GARS1: variants seen among roughly 807,000 people sequenced by gnomAD.
GARS1 encodes the protein glycyl-tRNA synthetase 1.
Under a neutral mutation model 86.4 loss-of-function variants are expected in GARS1, and 46 were observed. The observed-to-expected ratio is 0.53, with a 90% CI of 0.42 to 0.68. The LOEUF (loss-of-function observed/expected upper bound fraction) is 0.68, where lower values mean the gene tolerates loss of function less well. Among genes scored for constraint, GARS1 ranks in the 30% least tolerant of loss-of-function variants. GARS1 has a pLI of 0.00. For missense variants in GARS1, 797 were observed against 915.6 expected (o/e 0.87, Z 1.67); for synonymous variants, 342 against 329.8 (o/e 1.04, Z -0.40).
At chr7:30,626,991 A>G in intron 13 of GARS1, 1 of 435,740 alleles carries the variant, frequency 2.3e-6, no homozygotes. Context: ...AAAAAAAAAA[A>G]AAAAAGTAAT....
chr7:30,624,628 C>A (rs996965505), intron 12 of GARS1, among the ~76,000 whole-genome samples: 5 of 150,774 alleles, frequency 3.3e-5, no homozygotes, highest in African/African-American at 9.8e-5. Context: ...AAAACACACA[C>A]AAAAAAGGGG....
chr7:30,627,794 AC>A, intron 13 of GARS1, among the ~76,000 whole-genome samples: 1 of 152,374 alleles, frequency 6.6e-6, no homozygotes, highest in Non-Finnish European at 1.5e-5. Flanking sequence ...TTAAACAAAT[AC>A]AAACCATGTA....
intron 1 of GARS1, among the ~76,000 whole-genome samples, chr7:30,598,071 A>G (rs1245032533): frequency 6.6e-6 from 1 of 152,256 alleles, no homozygotes; most frequent in African/African-American, 2.4e-5. Context: ...AAGAATGGTC[A>G]GAGAAGTGGG....
rs200726600 is a variant in GARS1, at chr7:30,626,314, T to A, written c.1694T>A (p.Leu565Gln). 104 of 1,555,350 alleles carry A rather than the reference T, an allele frequency of 6.7e-5. No homozygotes were observed. Among genetic ancestry groups the A allele is most frequent in the Non-Finnish European group, 8.5e-5 (96 of 1,127,044 alleles). The change falls in exon 13 of 17, where the codon CTA (leucine) becomes CAA (glutamine). Residue 565 changes from leucine to glutamine, a missense_variant. Around this residue, in one of 2 missense-constraint regions of GARS1, gnomAD observed 598 missense variants for 738.7 expected, o/e 0.81. Transcript: ENST00000389266. ...MINVKRFQKT[L>Q]YVEEVVPNVI... Reference sequence around the variant, plus strand: ...AATGTGAAGAGATTCCAGAAAACACTATATGGTAAATTTGTAAAAATAATA... The same window carrying A: ...AATGTGAAGAGATTCCAGAAAACACAATATGGTAAATTTGTAAAAATAATA...
intron 1 of GARS1, 123 bp downstream of exon 1, chr7:30,595,266 T>C (rs965394954): frequency 1.6e-5 from 15 of 961,798 alleles, no homozygotes; most frequent in Non-Finnish European, 2.1e-5. Context: ...TTTCCCTTCA[T>C]CCTCTGGCGT....
At chr7:30,626,587 G>A (rs2128135641) in intron 13 of GARS1, among the ~76,000 whole-genome samples, 1 of 152,314 alleles carries the variant, frequency 6.6e-6, no homozygotes, top group South Asian at 2.1e-4. Context: ...CTAGGCTCAA[G>A]CAGTCCACCT....
Position 30,594,917 on chromosome 7 carries a change from G to T in GARS1, c.-5G>T. 6.4e-7 allele frequency: 1 copy of T among 1,573,538 alleles called. No homozygotes were observed. The highest frequency in any genetic ancestry group is 8.6e-7 in the Non-Finnish European group (1 of 1,167,176). ...CCTCTCTGGACAGCCCAGGGCCGCA[G>T]GCTCATGCCCTCTCCGCGTCCAGTG... is the stretch of plus-strand genomic sequence containing the variant. On this transcript the variant is annotated 5_prime_UTR_variant, in exon 1 of 17. It adds an upstream start codon to the 5' untranslated region. Transcript: ENST00000389266.
chr7:30,595,032 C>A lies in GARS1; in HGVS notation c.111C>A (p.Ser37Arg). The part of the protein sequence containing the change: ...RPSLLLRRSL[S>R]AASCPPISLP... The stretch of plus-strand genomic sequence containing the variant: ...CGCTCCTGCTCCGCCGGTCCCTCAG[C>A]GCGGCCTCCTGCCCCCCGATCTCCT... Residue 37 changes from serine (S) to arginine (R), a missense_variant, in exon 1 of 17, where the codon AGC (serine) becomes AGA (arginine). Physicochemically the swap from Ser to Arg is moderately radical, Grantham distance 110. Coordinates refer to ENST00000389266, the MANE Select transcript of GARS1 (RefSeq NM_002047.4). 6.4e-7 allele frequency: 1 copy of A among 1,573,606 alleles called. No homozygotes were observed. Among genetic ancestry groups the A allele is most frequent in the South Asian group, 1.1e-5 (1 of 87,156 alleles).
chr7:30,613,200 A>G (rs967954372), intron 8 of GARS1, among the ~76,000 whole-genome samples: 2 of 152,146 alleles, frequency 1.3e-5, no homozygotes, highest in African/African-American at 4.8e-5. Context: ...GTTCTGCGCA[A>G]ACTGTATCTC....
At chr7:30,605,772 A>G (rs1265025731) in intron 6 of GARS1, among the ~76,000 whole-genome samples, 1 of 152,212 alleles carries the variant, frequency 6.6e-6, no homozygotes, top group African/African-American at 2.4e-5. Flanking sequence ...TCCTTTAAAA[A>G]TAAAGGATTT....
At chr7:30,623,096 G>A (rs796113073) in intron 12 of GARS1, among the ~76,000 whole-genome samples, 5 of 130,932 alleles carry the variant, frequency 3.8e-5, no homozygotes, top group African/African-American at 9.0e-5. Flanking sequence ...GTGAGACTCC[G>A]TCTCAAAAAA....
intron 6 of GARS1, among the ~76,000 whole-genome samples, chr7:30,608,022 C>T (rs959886109): frequency 1.3e-5 from 2 of 152,160 alleles, no homozygotes; most frequent in Non-Finnish European, 2.9e-5. Context: ...GAGATTGCCT[C>T]CTTCCATTTT....
chr7:30,595,227 A>G, intron 1 of GARS1, 84 bp downstream of exon 1: 1 of 1,241,668 alleles, frequency 8.1e-7, no homozygotes, highest in East Asian at 2.5e-5. Context: ...CTCCCCGGGG[A>G]ACTGTCCTCC....
At chr7:30,627,089 T>C in intron 13 of GARS1, 1 of 466,966 alleles carries the variant, frequency 2.1e-6, no homozygotes, top group South Asian at 1.6e-5. Flanking sequence ...ATGAGTAATT[T>C]GGAGCACGTA....
rs755299370 is a variant in GARS1 at position 30,631,558 on chromosome 7, G to A, written c.1903+17G>A. On this transcript the variant is annotated intron_variant, in intron 15 of 16. Transcript: ENST00000389266. ...AGGAATTATGTAAGCAAATTCAATT[G>A]GGTAAACTCCATGGGAACACCATCA... is the stretch of plus-strand genomic sequence containing the variant. The A allele has an allele frequency of 6.5e-7, 1 of 1,541,204 alleles. No homozygotes were observed. Among genetic ancestry groups the A allele is most frequent in the South Asian group, 1.1e-5 (1 of 89,590 alleles).
In GARS1 at chr7:30,617,133, T is replaced by C. The variant is rs778282747; in HGVS notation, c.1214T>C (p.Val405Ala). The C allele has an allele frequency of 2.5e-6, 4 of 1,614,146 alleles. No individual in the cohort carries two copies. The South Asian group carries it at 3.3e-5, about 13-fold the overall frequency. Reference sequence around the variant, plus strand: ...GTTTAGGGTGTGATTAATAACACAGTATTAGGCTATTTCATTGGCCGCATC... The same window carrying C: ...GTTTAGGGTGTGATTAATAACACAGCATTAGGCTATTTCATTGGCCGCATC... ...AVEQGVINNT[V>A]LGYFIGRIYL... The change falls in exon 10 of 17, where the codon GTA (valine) becomes GCA (alanine). Residue 405 changes from valine to alanine, a missense_variant. This residue lies in a region of GARS1 where 598 missense variants were observed against 738.7 expected (regional missense o/e 0.81). Transcript: ENST00000389266.
intron 10 of GARS1, among the ~76,000 whole-genome samples, chr7:30,619,776 C>CTTTTTTTTTT (rs61613428): frequency 8.0e-5 from 10 of 124,268 alleles, no homozygotes; most frequent in African/African-American, 2.5e-4. Context: ...TTCTTTTTTT[C>CTTTTTTTTTT]TTTTTTTTTT....
intron 13 of GARS1, among the ~76,000 whole-genome samples, chr7:30,627,953 A>G (rs1196381962): frequency 6.6e-6 from 1 of 152,206 alleles, no homozygotes; most frequent in Non-Finnish European, 1.5e-5. Context: ...AGCTGCTGCT[A>G]TTCGTAGTTT....
At chr7:30,630,617 C>T (rs1461161829) in intron 14 of GARS1, among the ~76,000 whole-genome samples, 1 of 150,170 alleles carries the variant, frequency 6.7e-6, no homozygotes, top group African/African-American at 2.5e-5. Context: ...CTCAAGCAAT[C>T]CTCCTGCTTC....
Sources: allele counts gnomAD v4.1 joint callset (sites outside exome capture counted in the v4.1 genomes callset), GRCh38; gene constraint gnomAD v4.1.1; regional missense constraint gnomAD v4.1.1; transcripts MANE v1.5; gene names NCBI Gene and HGNC (gene_info 2026-07-23, HGNC 2026-07-21).